ZNF740: variants seen among roughly 807,000 people sequenced by gnomAD.
The protein encoded by ZNF740 is zinc finger protein 740.
A neutral mutation model predicts 24.8 loss-of-function variants in ZNF740; 14 were observed. That is an observed-to-expected ratio of 0.56 (90% CI 0.37 to 0.88). The LOEUF (loss-of-function observed/expected upper bound fraction) is 0.88. ZNF740 is among the 40% of genes least tolerant of loss of function. The probability of loss-of-function intolerance (pLI) is 0.00; values close to 1 mark genes in which losing one functional copy is unlikely to be tolerated. For synonymous variants in ZNF740, 69 were observed against 84.0 expected, an observed-to-expected ratio of 0.82 and a Z score of 0.98; for missense variants, 201 against 247.9, an observed-to-expected ratio of 0.81 and a Z score of 1.27.
chr12:53,192,693 G>A lies in ZNF740; in HGVS notation c.*5103G>A. On this transcript the variant is annotated 3_prime_UTR_variant, in exon 7 of 7. Coordinates refer to ENST00000416904, the MANE Select transcript of ZNF740 (RefSeq NM_001004304.4). ...AGATGCAAGACCTGAGGCCTCACCG[G>A]TGTCTCTCGCATGGTGTCTTGCAGC... 1 of 1,612,766 alleles carries A rather than the reference G, an allele frequency of 6.2e-7. No homozygotes were observed. The highest frequency in any genetic ancestry group is 8.5e-7 in the Non-Finnish European group (1 of 1,179,048).
chr12:53,193,168 A>G lies in ZNF740; in HGVS notation c.*5578A>G. ...CGCAGAGGATGCCCTCATGTCGCTC[A>G]CAGCTGGCATCGTCACACTCGCACA... On this transcript the variant is annotated 3_prime_UTR_variant, in exon 7 of 7. Coordinates refer to ENST00000416904, the MANE Select transcript of ZNF740 (RefSeq NM_001004304.4). 4.3e-6 allele frequency: 7 copies of G among 1,613,008 alleles called. No individual in the cohort carries two copies. The highest frequency in any genetic ancestry group is 5.9e-6 in the Non-Finnish European group (7 of 1,179,182).
In ZNF740 at chr12:53,185,410, G is replaced by A; in HGVS notation, c.183G>A (p.Lys61=). 3 of 1,613,984 alleles carry A rather than the reference G, an allele frequency of 1.9e-6. No individual in the cohort carries two copies. The highest frequency in any genetic ancestry group is 2.5e-6 in the Non-Finnish European group (3 of 1,179,886). The change falls in exon 4 of 7, where the codon AAG becomes AAA. Residue 61 remains lysine, a synonymous_variant. Coordinates refer to ENST00000416904, the MANE Select transcript of ZNF740 (RefSeq NM_001004304.4). ...SSQGHRKDSD[K]SRSRKDDDSL... ...AGGGTCACCGAAAAGACAGTGATAA[G>A]TCCCGGAGCCGCAAAGATGATGACA...
Position 53,192,967 on chromosome 12 carries a change from CAT to C in ZNF740, c.*5378_*5379del, listed in dbSNP as rs1156625647. ...ATACTCCACACACACAGTTGGCCAT[CAT>C]GTGGCACGACAAGCCCACGCATCCA... is the stretch of plus-strand genomic sequence containing the variant. On this transcript the variant is annotated 3_prime_UTR_variant, in exon 7 of 7. Transcript: ENST00000416904. 28 of 1,550,298 alleles carry C rather than the reference CAT, an allele frequency of 1.8e-5. No individual in the cohort carries two copies. Among genetic ancestry groups the C allele is most frequent in the Non-Finnish European group, 2.2e-5 (25 of 1,126,700 alleles).
rs1297628612 is a variant in ZNF740, at chr12:53,190,251, A to T, written c.*2661A>T. Reference sequence around the variant, plus strand: ...CACGGATACCCCAGGGAAGCCACTGACTCACACCGCTGCAGAGGCTCCTGG... The same window carrying T: ...CACGGATACCCCAGGGAAGCCACTGTCTCACACCGCTGCAGAGGCTCCTGG... On this transcript the variant is annotated 3_prime_UTR_variant, in exon 7 of 7. Coordinates refer to ENST00000416904, the MANE Select transcript of ZNF740 (RefSeq NM_001004304.4). 1 of 152,482 alleles carries T rather than the reference A, an allele frequency of 6.6e-6. No homozygotes were observed. The highest frequency in any genetic ancestry group is 6.5e-5 in the Admixed American group (1 of 15,272). 9.4% of individuals were successfully genotyped at this position (152,482 alleles called of 1,614,324 possible).
intron 1 of ZNF740, 178 bp from the exon 2 acceptor site, chr12:53,181,499 C>T (rs1026312101): frequency 4.1e-6 from 4 of 985,378 alleles, no homozygotes; most frequent in Middle Eastern, 5.2e-4. Flanking sequence ...CTGTTGGCTT[C>T]CACTCCTTGC....
intron 6 of ZNF740, among the ~76,000 whole-genome samples, chr12:53,187,225 T>A (rs1289295090): frequency 5.9e-5 from 9 of 152,212 alleles, no homozygotes; most frequent in Non-Finnish European, 2.9e-5. Flanking sequence ...AGTAGGTACT[T>A]TTAGCCTCGC....
Position 53,193,008 on chromosome 12 carries a change from A to G in ZNF740, c.*5418A>G. The G allele has an allele frequency of 7.2e-7, 1 of 1,386,940 alleles. No individual in the cohort carries two copies. Among genetic ancestry groups the G allele is most frequent in the South Asian group, 1.2e-5 (1 of 80,580 alleles). The allele number at this position is 1,386,940 out of a possible 1,614,324, so 85.9% of individuals were successfully genotyped here. On this transcript the variant is annotated 3_prime_UTR_variant, in exon 7 of 7. Transcript: ENST00000416904. ...CCCACGCATCCAATCTTTTTGAAGT[A>G]TGCCAACCACACCCTCTAACCCATA... is the stretch of plus-strand genomic sequence containing the variant.
Position 53,194,625 on chromosome 12 carries a change from A to G in ZNF740, c.*7035A>G. On this transcript the variant is annotated 3_prime_UTR_variant, in exon 7 of 7. Transcript: ENST00000416904. ...GGCCAGGTGCTGTAAATGTACAGAG[A>G]CCATGTTTGTGAAGCCCCACATCAG... is the stretch of plus-strand genomic sequence containing the variant. 2 of 358,820 alleles carry G rather than the reference A, an allele frequency of 5.6e-6. No homozygotes were observed. Among genetic ancestry groups the G allele is most frequent in the South Asian group, 3.8e-5 (1 of 26,404 alleles). The allele number at this position is 358,820 out of a possible 1,614,324, so 22.2% of individuals were successfully genotyped here.
At position 53,192,414 on chromosome 12, in the gene ZNF740, G is replaced by T. The variant is rs2230397; in HGVS notation, c.*4824G>T. Reference sequence around the variant, plus strand: ...AAGAACAGCTGGTTGTCCAGGGTCCGCTCTTTGCACCAGCCATCATCCAAG... The same window carrying T: ...AAGAACAGCTGGTTGTCCAGGGTCCTCTCTTTGCACCAGCCATCATCCAAG... On this transcript the variant is annotated 3_prime_UTR_variant, in exon 7 of 7. Transcript: ENST00000416904. 9,192 of 1,613,948 alleles carry T rather than the reference G, an allele frequency of 5.7e-3. 451 individuals are homozygous for T. The African/African-American group carries it at 0.11, about 19-fold the overall frequency.
In ZNF740 at chr12:53,191,719, C is replaced by T. The variant is rs763323452; in HGVS notation, c.*4129C>T. 21 of 1,531,176 alleles carry T rather than the reference C, an allele frequency of 1.4e-5. No homozygotes were observed. Among genetic ancestry groups the T allele is most frequent in the African/African-American group, 4.1e-5 (3 of 73,348 alleles). The allele number at this position is 1,531,176 out of a possible 1,614,324, so 94.8% of individuals were successfully genotyped here. A position where few individuals can be genotyped will look rare whatever the true frequency, so the allele number is the denominator to read the frequency against. Reference sequence around the variant, plus strand: ...TAGACCTAAGAGGCCAGCCTTGAGCCGAATCCTAGGAGCTGATGGAAGTTA... The same window carrying T: ...TAGACCTAAGAGGCCAGCCTTGAGCTGAATCCTAGGAGCTGATGGAAGTTA... On this transcript the variant is annotated 3_prime_UTR_variant, in exon 7 of 7. Transcript: ENST00000416904.
intron 4 of ZNF740, 57 bp downstream of exon 4, chr12:53,185,533 T>A: frequency 3.3e-6 from 5 of 1,504,142 alleles, no homozygotes; most frequent in Non-Finnish European, 4.6e-6. Context: ...GTAATATTCC[T>A]CCTTCTTCCC....
rs775224784 is a variant in ZNF740 at position 53,184,965 on chromosome 12, G to A, written c.84G>A (p.Leu28=). The A allele has an allele frequency of 6.2e-6, 10 of 1,613,910 alleles. No homozygotes were observed. The highest frequency in any genetic ancestry group is 7.6e-6 in the Non-Finnish European group (9 of 1,179,906). The part of the protein sequence containing the change: ...VPTAASKKMM[L]SQIASKQAEN... ...CTGCAGCCAGCAAGAAGATGATGCTGAGCCAGATTGCCAGCAAGCAGGCCG... is the reference window on the plus strand; with the variant it reads ...CTGCAGCCAGCAAGAAGATGATGCTAAGCCAGATTGCCAGCAAGCAGGCCG... Residue 28 remains leucine, a synonymous_variant, in exon 3 of 7, where the codon CTG becomes CTA. Transcript: ENST00000416904.
intron 4 of ZNF740, 130 bp from the exon 5 acceptor site, chr12:53,185,824 G>A: frequency 1.6e-6 from 2 of 1,276,006 alleles, no homozygotes; most frequent in Non-Finnish European, 2.1e-6. Context: ...GAGTACAGGA[G>A]ATGGCAGCAC....
At chr12:53,184,770 G>A in intron 2 of ZNF740, 121 bp from the exon 3 acceptor site, 1 of 1,177,850 alleles carries the variant, frequency 8.5e-7, no homozygotes, top group South Asian at 1.5e-5. Context: ...CAGTGAGGAG[G>A]GACATTCCCT....
chr12:53,185,843 A>G (rs925551209), intron 4 of ZNF740, 111 bp from the exon 5 acceptor site: 15 of 1,411,560 alleles, frequency 1.1e-5, no homozygotes, highest in Non-Finnish European at 1.4e-5. Context: ...ACCTTTAGAC[A>G]GCATCAGAGA....
chr12:53,181,035 C>T, intron 1 of ZNF740, 198 bp downstream of exon 1: 4 of 879,992 alleles, frequency 4.5e-6, no homozygotes, highest in Non-Finnish European at 4.3e-6. Flanking sequence ...CCCGCCGCGT[C>T]CCCGGCCCGG....
In ZNF740 at chr12:53,190,683, T is replaced by TG. The variant is rs1941916730; in HGVS notation, c.*3093_*3094insG. ...CTCCTCTCCACCCTGTTTTTTGTTT[T>TG]TTTTTTTTTTAAATAATATTTTGCT... On this transcript the variant is annotated 3_prime_UTR_variant, in exon 7 of 7. Transcript: ENST00000416904. The TG allele has an allele frequency of 6.6e-6, 1 of 152,142 alleles. No homozygotes were observed. The highest frequency in any genetic ancestry group is 2.1e-4 in the South Asian group (1 of 4,830). 9.4% of individuals were successfully genotyped at this position (152,142 alleles called of 1,614,324 possible).
Position 53,190,102 on chromosome 12 carries a change from AG to A in ZNF740, c.*2515del, listed in dbSNP as rs1162806567. 6.6e-6 allele frequency: 1 copy of A among 152,346 alleles called. No homozygotes were observed. Among genetic ancestry groups the A allele is most frequent in the Non-Finnish European group, 1.5e-5 (1 of 68,148 alleles). The allele number at this position is 152,346 out of a possible 1,614,324, so 9.4% of individuals were successfully genotyped here. ...AGCCACCCCTGCCAAGGACCCAGTG[AG>A]GGAAACTCAGGAGCAGGTGGTTGGT... On this transcript the variant is annotated 3_prime_UTR_variant, in exon 7 of 7. Transcript: ENST00000416904.
Position 53,188,529 on chromosome 12 carries a change from C to T in ZNF740, c.*939C>T, listed in dbSNP as rs1431842936. ...CAAAGTGGGTTCTCTCTCCTTGTGC[C>T]CTCTTAGGAACAACCCAAGACTGGT... On this transcript the variant is annotated 3_prime_UTR_variant, in exon 7 of 7. Coordinates refer to ENST00000416904, the MANE Select transcript of ZNF740 (RefSeq NM_001004304.4). The T allele has an allele frequency of 1.3e-5, 2 of 152,578 alleles. No homozygotes were observed. Among genetic ancestry groups the T allele is most frequent in the Admixed American group, 6.5e-5 (1 of 15,274 alleles). 9.5% of individuals were successfully genotyped at this position (152,578 alleles called of 1,614,324 possible).
Sources: gnomAD v4.1 joint callset for allele counts (sites outside exome capture counted in the v4.1 genomes callset) on GRCh38, gnomAD v4.1.1 for gene constraint, MANE v1.5 for transcripts, NCBI Gene and HGNC (gene_info 2026-07-23, HGNC 2026-07-21) for gene names.